LRRC4C: variants seen among roughly 807,000 people sequenced by gnomAD.
LRRC4C encodes the protein leucine-rich repeat-containing protein 4C.
LRRC4C carries 5 observed loss-of-function variants against 33.6 expected under a neutral mutation model. The observed-to-expected ratio is 0.15, with a 90% CI of 0.08 to 0.31. LRRC4C has a LOEUF of 0.31. Ranked by LOEUF, LRRC4C falls within the 10% of genes least tolerant of loss-of-function variation. The pLI, the probability that LRRC4C is intolerant of heterozygous loss-of-function variation, is 1.00. For missense variants in LRRC4C, 560 were observed against 796.7 expected, an observed-to-expected ratio of 0.70 and a Z score of 3.58; for synonymous variants, 329 against 302.0, an observed-to-expected ratio of 1.09 and a Z score of -0.93.
chr11:40,262,141 A>G (rs1941893357), intron 4 of LRRC4C, among the ~76,000 whole-genome samples: 1 of 152,206 alleles, frequency 6.6e-6, no homozygotes, highest in East Asian at 1.9e-4. Context: ...CAAGAGAAAA[A>G]CAAACAACCA....
At chr11:41,339,157 G>A (rs968411832) in intron 1 of LRRC4C, among the ~76,000 whole-genome samples, 8 of 151,964 alleles carry the variant, frequency 5.3e-5, no homozygotes, top group African/African-American at 1.9e-4. Flanking sequence ...CTACTTCATT[G>A]GTCTTCACTT....
intron 2 of LRRC4C, among the ~76,000 whole-genome samples, chr11:40,879,906 G>A (rs1955084765): frequency 6.6e-6 from 1 of 152,114 alleles, no homozygotes; most frequent in Non-Finnish European, 1.5e-5. Context: ...CTTATGATGT[G>A]GCATTGCCAC....
chr11:40,287,803 CG>C (rs1439186007), intron 4 of LRRC4C, among the ~76,000 whole-genome samples: 2 of 152,112 alleles, frequency 1.3e-5, no homozygotes, highest in Non-Finnish European at 2.9e-5. Context: ...TCTTTACTGA[CG>C]AAATGGCATT....
intron 5 of LRRC4C, among the ~76,000 whole-genome samples, chr11:40,159,795 GTTTA>G (rs1462555733): frequency 6.6e-6 from 1 of 152,068 alleles, no homozygotes. Flanking sequence ...TACATTATAT[GTTTA>G]TTTGTTTCCT....
chr11:40,295,013 C>G (rs1944439723), intron 4 of LRRC4C, among the ~76,000 whole-genome samples: 1 of 152,116 alleles, frequency 6.6e-6, no homozygotes, highest in Non-Finnish European at 1.5e-5. Context: ...TTGGCCTGTT[C>G]AGTTTGTACA....
chr11:40,904,145 G>T (rs2136211991), intron 2 of LRRC4C, among the ~76,000 whole-genome samples: 1 of 152,108 alleles, frequency 6.6e-6, no homozygotes, highest in South Asian at 2.1e-4. Flanking sequence ...TTTTGTTTTT[G>T]TATTTCAACC....
intron 5 of LRRC4C, among the ~76,000 whole-genome samples, chr11:40,149,758 A>G (rs1858033877): frequency 6.6e-6 from 1 of 152,200 alleles, no homozygotes; most frequent in African/African-American, 2.4e-5. Context: ...AAAATATTCC[A>G]GGAAGAGAGA....
chr11:41,440,538 CAT>C (rs1247226322), intron 1 of LRRC4C, among the ~76,000 whole-genome samples: 2 of 151,998 alleles, frequency 1.3e-5, no homozygotes, highest in African/African-American at 4.8e-5. Flanking sequence ...TAACACACTA[CAT>C]ATGTTTTTTT....
At chr11:40,549,567 G>A (rs1268912278) in intron 3 of LRRC4C, among the ~76,000 whole-genome samples, 1 of 152,132 alleles carries the variant, frequency 6.6e-6, no homozygotes, top group Non-Finnish European at 1.5e-5. Context: ...TCTGGAAACA[G>A]AGTTAATCAA....
chr11:40,630,330 C>CTCCTCTTCTTCTTCTTCTTCT (rs1963348440), intron 3 of LRRC4C, among the ~76,000 whole-genome samples: 1 of 135,536 alleles, frequency 7.4e-6, no homozygotes, highest in Admixed American at 7.6e-5. Flanking sequence ...TTTCTTCTTC[C>CTCCTCTTCTTCTTCTTCTTCT]TCTTCTTCTT....
At chr11:41,026,685 G>A (rs556020850) in intron 1 of LRRC4C, among the ~76,000 whole-genome samples, 1 of 150,692 alleles carries the variant, frequency 6.6e-6, no homozygotes, top group South Asian at 2.1e-4. Flanking sequence ...CCAACCTTCA[G>A]CAACTACCAC....
At chr11:40,346,715 A>T (rs1471085431) in intron 3 of LRRC4C, among the ~76,000 whole-genome samples, 2 of 152,214 alleles carry the variant, frequency 1.3e-5, no homozygotes, top group African/African-American at 4.8e-5. Flanking sequence ...ACGTTTTTTT[A>T]AAAGCAAACA....
intron 1 of LRRC4C, among the ~76,000 whole-genome samples, chr11:41,113,651 A>T (rs1227210559): frequency 3.3e-5 from 5 of 152,120 alleles, no homozygotes; most frequent in Non-Finnish European, 1.5e-5. Context: ...CTACCAAGCA[A>T]TCTGAGCCTC....
intron 3 of LRRC4C, among the ~76,000 whole-genome samples, chr11:40,630,380 CTT>C (rs1963376795): frequency 8.1e-6 from 1 of 123,332 alleles, no homozygotes; most frequent in Admixed American, 8.6e-5. Context: ...TCTTCTTCTT[CTT>C]CTTCTTCTTT....
intron 3 of LRRC4C, among the ~76,000 whole-genome samples, chr11:40,588,860 G>A (rs960956074): frequency 6.6e-6 from 1 of 152,084 alleles, no homozygotes; most frequent in African/African-American, 2.4e-5. Flanking sequence ...TATAGTTTCT[G>A]TTCTTTTACA....
intron 2 of LRRC4C, among the ~76,000 whole-genome samples, chr11:40,751,512 C>T (rs2136992346): frequency 6.6e-6 from 1 of 151,824 alleles, no homozygotes; most frequent in East Asian, 1.9e-4. Flanking sequence ...TTTACAATAG[C>T]TAAAAAAGAA....
At chr11:41,381,578 G>A (rs558584598) in intron 1 of LRRC4C, among the ~76,000 whole-genome samples, 2 of 149,546 alleles carry the variant, frequency 1.3e-5, no homozygotes, top group Non-Finnish European at 3.0e-5. Context: ...AGTGAGCCAA[G>A]ATTGCGCCAC....
At chr11:40,173,126 C>T (rs1199698458) in intron 5 of LRRC4C, among the ~76,000 whole-genome samples, 1 of 152,158 alleles carries the variant, frequency 6.6e-6, no homozygotes, top group East Asian at 1.9e-4. Flanking sequence ...TCAGAGAGTA[C>T]ACGGCTCTGA....
intron 1 of LRRC4C, among the ~76,000 whole-genome samples, chr11:41,347,060 A>C (rs891668101): frequency 6.6e-6 from 1 of 152,200 alleles, no homozygotes; most frequent in African/African-American, 2.4e-5. Context: ...ATTAATTTGA[A>C]ATGTATACAT....
Sources: allele counts gnomAD v4.1 joint callset (sites outside exome capture counted in the v4.1 genomes callset), GRCh38; gene constraint gnomAD v4.1.1; transcripts MANE v1.5; gene names NCBI Gene and HGNC (gene_info 2026-07-23, HGNC 2026-07-21).